The following KDSR variants were observed in gnomAD, a reference collection of about 807,000 sequenced individuals.
KDSR encodes the protein 3-dehydrosphinganine reductase.
KDSR carries 23 observed loss-of-function variants against 41.3 expected under a neutral mutation model. The observed-to-expected ratio is 0.56, with a 90% CI of 0.40 to 0.79. KDSR has a LOEUF of 0.79. KDSR is among the 30% of genes least tolerant of loss of function. The pLI, the probability that KDSR is intolerant of heterozygous loss-of-function variation, is 0.00. For missense variants in KDSR, 351 were observed against 416.8 expected (o/e 0.84, Z 1.37); for synonymous variants, 138 against 151.7 (o/e 0.91, Z 0.66).
chr18:63,332,092 G>A (rs998128097), intron 9 of KDSR, among the ~76,000 whole-genome samples, 191 bp from the exon 10 acceptor site: 2 of 152,186 alleles, frequency 1.3e-5, no homozygotes, highest in African/African-American at 4.8e-5. Flanking sequence ...GGACAGCCCA[G>A]ATACATAACA....
rs547026797 is a variant in KDSR, at chr18:63,337,043, A to T, written c.778-1685T>A. On this transcript the variant is annotated intron_variant, in intron 8 of 9. Transcript: ENST00000645214. ...TTTTGAAAAGTAGTAAATTTTGTTT[A>T]AAAAAAGTCACTTTATATATATGTG... Among the ~76,000 whole-genome samples, 16 of 150,066 alleles carry T rather than the reference A, an allele frequency of 1.1e-4. No individual in the cohort carries two copies. The South Asian group carries it at 2.1e-3, about 20-fold the overall frequency.
chr18:63,359,407 T>C, intron 3 of KDSR: 2 of 226,134 alleles, frequency 8.8e-6, no homozygotes, highest in East Asian at 2.0e-4. Flanking sequence ...ATTTTATTCA[T>C]CAAAAATTCC....
rs1914913027 is a variant in KDSR at position 63,359,860 on chromosome 18, A to AG, written c.199-69dup. The AG allele has an allele frequency of 5.7e-6, 6 of 1,059,150 alleles. No homozygotes were observed. In the South Asian group the frequency reaches 6.3e-5, roughly 11 times the overall value. The allele number at this position is 1,059,150 out of a possible 1,614,324, so 65.6% of individuals were successfully genotyped here. On this transcript the variant is annotated intron_variant, in intron 2 of 9. Transcript: ENST00000645214. ...TGCATGTCCGTTTATTGCAAAGGAG[A>AG]GAAAAAAAGCAATTATTTCTATATG...
intron 2 of KDSR, among the ~76,000 whole-genome samples, chr18:63,361,660 C>T (rs1298108660): frequency 6.6e-6 from 1 of 151,698 alleles, no homozygotes; most frequent in Non-Finnish European, 1.5e-5. Context: ...ACTAAAAATA[C>T]AAAAATTAGC....
At position 63,330,399 on chromosome 18, in the gene KDSR, G is replaced by T. The variant is rs1220309912; in HGVS notation, c.*1383C>A. On this transcript the variant is annotated 3_prime_UTR_variant, in exon 10 of 10. Coordinates refer to ENST00000645214, the MANE Select transcript of KDSR (RefSeq NM_002035.4). ...GAGGAGTGTGAACAATGAGCAGGAT[G>T]CAACGGGGAATGTTGGCTAAAACTC... is the stretch of plus-strand genomic sequence containing the variant. The T allele has an allele frequency of 4.4e-6, 1 of 228,756 alleles. No homozygotes were observed. The highest frequency in any genetic ancestry group is 2.2e-5 in the African/African-American group (1 of 45,092). The allele number at this position is 228,756 out of a possible 1,614,324, so 14.2% of individuals were successfully genotyped here.
chr18:63,367,130 G>C lies in KDSR; in HGVS notation c.-12C>G, dbSNP rs759645459. 5.2e-5 allele frequency: 68 copies of C among 1,305,678 alleles called. No homozygotes were observed. Among genetic ancestry groups the C allele is most frequent in the Middle Eastern group, 2.2e-4 (1 of 4,486 alleles). The allele number at this position is 1,305,678 out of a possible 1,614,324, so 80.9% of individuals were successfully genotyped here. ...GCCAGCAGCAGCATCGCTCCGCGGG[G>C]CCAGGGGCCCGGAGCGGCCGGGCGG... On this transcript the variant is annotated 5_prime_UTR_variant, in exon 1 of 10. Coordinates refer to ENST00000645214, the MANE Select transcript of KDSR (RefSeq NM_002035.4).
chr18:63,345,917 G>A (rs1351311458), intron 6 of KDSR: 3 of 151,428 alleles, frequency 2.0e-5, no homozygotes, highest in African/African-American at 7.3e-5. Context: ...ACTCCAGCCT[G>A]GGTGACAAGA....
intron 6 of KDSR, among the ~76,000 whole-genome samples, chr18:63,349,587 G>A (rs1389088095): frequency 6.6e-6 from 1 of 152,226 alleles, no homozygotes; most frequent in Non-Finnish European, 1.5e-5. Context: ...GGTTCCTATG[G>A]TATGAGAATG....
intron 9 of KDSR, among the ~76,000 whole-genome samples, chr18:63,334,891 C>T (rs573725575): frequency 1.3e-5 from 2 of 152,256 alleles, no homozygotes; most frequent in South Asian, 4.1e-4. Context: ...AGTCTAATAT[C>T]CCAGTACTTT....
At chr18:63,348,065 T>C (rs2144362705) in intron 6 of KDSR, among the ~76,000 whole-genome samples, 1 of 152,088 alleles carries the variant, frequency 6.6e-6, no homozygotes, top group East Asian at 1.9e-4. Flanking sequence ...GGCAGGTGGA[T>C]CACCTGAGTC....
intron 8 of KDSR, among the ~76,000 whole-genome samples, chr18:63,337,072 TTA>T (rs113764704): frequency 0.038 from 1,928 of 50,358 alleles, 99 homozygotes; most frequent in African/African-American, 0.09. Context: ...ATATGTGACT[TTA>T]TATATATATA....
In KDSR at chr18:63,344,407, G is replaced by C; in HGVS notation, c.693+3C>G. The C allele has an allele frequency of 6.2e-7, 1 of 1,607,116 alleles. No homozygotes were observed. The highest frequency in any genetic ancestry group is 8.5e-7 in the Non-Finnish European group (1 of 1,173,660). On this transcript the variant is annotated splice_donor_region_variant and intron_variant, in intron 7 of 9. Coordinates refer to ENST00000645214, the MANE Select transcript of KDSR (RefSeq NM_002035.4). Reference sequence around the variant, plus strand: ...TTCAAATTGGGACATGTAGGATACTGACCTTTGTTCTGTTTTCTTCGGCAA... The same window carrying C: ...TTCAAATTGGGACATGTAGGATACTCACCTTTGTTCTGTTTTCTTCGGCAA...
intron 7 of KDSR, among the ~76,000 whole-genome samples, chr18:63,343,945 G>C (rs1459333651): frequency 6.6e-6 from 1 of 152,170 alleles, no homozygotes; most frequent in Non-Finnish European, 1.5e-5. Flanking sequence ...GGGAGGCTGA[G>C]GAGGGAGGAT....
chr18:63,332,361 T>C (rs1204129377), intron 9 of KDSR, among the ~76,000 whole-genome samples: 5 of 152,094 alleles, frequency 3.3e-5, no homozygotes, highest in Admixed American at 2.6e-4. Context: ...ACAAGTAAAA[T>C]TGAAACTACT....
At chr18:63,335,115 G>GAA in intron 9 of KDSR, 142 bp downstream of exon 9, 1 of 587,546 alleles carries the variant, frequency 1.7e-6, no homozygotes. Context: ...GGAGGAAGAG[G>GAA]AAAAGTTGAT....
intron 9 of KDSR, among the ~76,000 whole-genome samples, chr18:63,333,608 G>A (rs1206314790): frequency 6.6e-6 from 1 of 152,142 alleles, no homozygotes; most frequent in Non-Finnish European, 1.5e-5. Flanking sequence ...TGACTGCCAG[G>A]TAAGAATGCA....
At chr18:63,354,240 G>A (rs1175329543) in intron 5 of KDSR, among the ~76,000 whole-genome samples, 3 of 152,124 alleles carry the variant, frequency 2.0e-5, no homozygotes, top group Admixed American at 6.5e-5. Context: ...GCTTGAGCCC[G>A]GGAGGCAGAG....
At chr18:63,342,465 T>C (rs1291292309) in intron 7 of KDSR, among the ~76,000 whole-genome samples, 2 of 152,138 alleles carry the variant, frequency 1.3e-5, no homozygotes, top group Non-Finnish European at 2.9e-5. Context: ...GAAAAAAGAA[T>C]GAATCTAATA....
At chr18:63,361,063 A>ATATATATAATAAAAATATAAATTTT (rs1248629915) in intron 2 of KDSR, among the ~76,000 whole-genome samples, 1 of 132,054 alleles carries the variant, frequency 7.6e-6, no homozygotes, top group Non-Finnish European at 1.6e-5. Context: ...TATATATGTA[A>ATATATATAATAAAAATATAAATTTT]ATATATATAC....
Sources: gnomAD v4.1 joint callset for allele counts (sites outside exome capture counted in the v4.1 genomes callset) on GRCh38, gnomAD v4.1.1 for gene constraint, MANE v1.5 for transcripts, NCBI Gene and HGNC (gene_info 2026-07-23, HGNC 2026-07-21) for gene names.